The following EIF3M variants were observed in gnomAD, a reference collection of about 807,000 sequenced individuals.
EIF3M encodes B5 receptor.
EIF3M carries 25 observed loss-of-function variants against 49.7 expected under a neutral mutation model. The observed-to-expected ratio is 0.50, with a 90% CI of 0.37 to 0.70. EIF3M has a LOEUF of 0.70. EIF3M is among the 30% of genes least tolerant of loss of function. The pLI is 0.00. For missense variants in EIF3M, 350 were observed against 440.0 expected (o/e 0.80, Z 1.83); for synonymous variants, 156 against 149.8 (o/e 1.04, Z -0.30).
Position 32,593,894 on chromosome 11 carries a change from T to G in EIF3M, c.562T>G (p.Leu188Val), listed in dbSNP as rs759020517. 4.4e-6 allele frequency: 7 copies of G among 1,579,500 alleles called. No homozygotes were observed. In the East Asian group the frequency reaches 1.4e-4, roughly 31 times the overall value. The change falls in exon 6 of 11, where the codon TTG becomes GTG. Residue 188 changes from leucine (L) to valine (V), a missense_variant. By Grantham distance (32) the Leu-to-Val change is conservative. Transcript: ENST00000531120. ...SDAASKVMVELLGSYTEDNAS... is the reference protein window; with the variant it reads ...SDAASKVMVEVLGSYTEDNAS... ...TGCTGCTTCAAAAGTCATGGTGGAA[T>G]TGCTCGGAAGTTACACAGAGGACAA...
intron 2 of EIF3M, 133 bp from the exon 3 acceptor site, chr11:32,588,461 A>G: frequency 5.2e-6 from 5 of 963,316 alleles, no homozygotes; most frequent in Non-Finnish European, 7.2e-6. Flanking sequence ...AAAATATACA[A>G]GTTGCTTTCT....
In EIF3M at chr11:32,605,193, T is replaced by C. The variant is rs1237951994; in HGVS notation, c.*2794T>C. ...TTTTTTTTTTTTTAATGAACTTAAATGTTTAGAATGGTAAGTTCACGGCTC... is the reference window on the plus strand; with the variant it reads ...TTTTTTTTTTTTTAATGAACTTAAACGTTTAGAATGGTAAGTTCACGGCTC... On this transcript the variant is annotated 3_prime_UTR_variant, in exon 11 of 11. Coordinates refer to ENST00000531120, the MANE Select transcript of EIF3M (RefSeq NM_006360.6). 1 of 148,308 alleles carries C rather than the reference T, an allele frequency of 6.7e-6. No individual in the cohort carries two copies. Among genetic ancestry groups the C allele is most frequent in the East Asian group, 2.0e-4 (1 of 5,098 alleles). 9.2% of individuals were successfully genotyped at this position (148,308 alleles called of 1,614,324 possible).
chr11:32,591,010 C>T (rs984971291), intron 5 of EIF3M, among the ~76,000 whole-genome samples: 2 of 152,238 alleles, frequency 1.3e-5, no homozygotes, highest in African/African-American at 2.4e-5. Context: ...CCGCCACGCC[C>T]GGCTAATTTT....
chr11:32,599,701 ATATATGATATTATGTTAGAAT>A (rs1304064721), intron 8 of EIF3M, among the ~76,000 whole-genome samples: 2 of 151,988 alleles, frequency 1.3e-5, no homozygotes, highest in African/African-American at 4.8e-5. Flanking sequence ...CAAAACAAGT[ATATATGATATTATGTTAGAAT>A]TCTGCTCCTA....
intron 1 of EIF3M, among the ~76,000 whole-genome samples, chr11:32,585,432 A>G (rs562342921): frequency 6.6e-6 from 1 of 152,172 alleles, no homozygotes; most frequent in African/African-American, 2.4e-5. Flanking sequence ...GGGAAATATG[A>G]AATTGCTCAG....
intron 6 of EIF3M, 38 bp downstream of exon 6, chr11:32,593,987 G>A (rs371583257): frequency 1.2e-5 from 16 of 1,329,734 alleles, no homozygotes; most frequent in East Asian, 5.3e-5. Context: ...GTTTGACAGC[G>A]ATGTAGAGGT....
chr11:32,584,045 A>G, intron 1 of EIF3M, 116 bp downstream of exon 1: 1 of 1,374,644 alleles, frequency 7.3e-7, no homozygotes, highest in South Asian at 1.3e-5. Flanking sequence ...GCTGTTCTAC[A>G]CGCGAGAATG....
Position 32,605,612 on chromosome 11 carries a change from T to C in EIF3M, c.*3213T>C, listed in dbSNP as rs960668085. 6.6e-6 allele frequency: 1 copy of C among 151,980 alleles called. No individual in the cohort carries two copies. Among genetic ancestry groups the C allele is most frequent in the African/African-American group, 2.4e-5 (1 of 41,262 alleles). 9.4% of individuals were successfully genotyped at this position (151,980 alleles called of 1,614,324 possible). A position where few individuals can be genotyped will look rare whatever the true frequency, so the allele number is the denominator to read the frequency against. On this transcript the variant is annotated 3_prime_UTR_variant, in exon 11 of 11. Transcript: ENST00000531120. ...TGATTCTTTGACTTTTTTATCTTGA[T>C]GATGGAAAGGAAGGACACGTTTACT...
chr11:32,593,608 C>T (rs1307456885), intron 5 of EIF3M, among the ~76,000 whole-genome samples: 1 of 152,178 alleles, frequency 6.6e-6, no homozygotes, highest in Non-Finnish European at 1.5e-5. Context: ...GTACATAAAG[C>T]GGCCTTTCCG....
chr11:32,591,240 T>A (rs959113101), intron 5 of EIF3M, among the ~76,000 whole-genome samples: 2 of 152,346 alleles, frequency 1.3e-5, no homozygotes, highest in Admixed American at 1.3e-4. Context: ...AAGATTTCTT[T>A]AGCTGAGAAG....
chr11:32,597,455 T>C (rs1855198030), intron 8 of EIF3M, among the ~76,000 whole-genome samples: 1 of 152,250 alleles, frequency 6.6e-6, no homozygotes. Context: ...TAATTTTACA[T>C]GATAGTAAGA....
chr11:32,586,150 A>T (rs1257413484), intron 1 of EIF3M, among the ~76,000 whole-genome samples: 1 of 152,058 alleles, frequency 6.6e-6, no homozygotes, highest in Non-Finnish European at 1.5e-5. Context: ...AATCATTTGA[A>T]CCCCGGAGGC....
rs1855156121 is a variant in EIF3M, at chr11:32,594,911, A to T, written c.618-3A>T. 2 of 1,605,644 alleles carry T rather than the reference A, an allele frequency of 1.2e-6. No individual in the cohort carries two copies. Among genetic ancestry groups the T allele is most frequent in the African/African-American group, 2.7e-5 (2 of 73,160 alleles). On this transcript the variant is annotated splice_region_variant and splice_polypyrimidine_tract_variant and intron_variant, in intron 6 of 10. Transcript: ENST00000531120. ...GAGCTTACATTTTTGTTCTCTAATT[A>T]AGGTGTATTGTACGAGCATTGAAAG...
rs1179805378 is a variant in EIF3M at position 32,604,976 on chromosome 11, C to T, written c.*2577C>T. On this transcript the variant is annotated 3_prime_UTR_variant, in exon 11 of 11. Coordinates refer to ENST00000531120, the MANE Select transcript of EIF3M (RefSeq NM_006360.6). The stretch of plus-strand genomic sequence containing the variant: ...CAAGCGATTCTTCTGCCTCAGCCTC[C>T]CGAGTAGCTGGGATTACAGGCACCC... 2 of 152,340 alleles carry T rather than the reference C, an allele frequency of 1.3e-5. No homozygotes were observed. The highest frequency in any genetic ancestry group is 2.1e-4 in the South Asian group (1 of 4,814). The allele number at this position is 152,340 out of a possible 1,614,324, so 9.4% of individuals were successfully genotyped here.
intron 8 of EIF3M, among the ~76,000 whole-genome samples, chr11:32,598,674 T>G (rs1855215419): frequency 6.6e-6 from 1 of 152,118 alleles, no homozygotes; most frequent in Non-Finnish European, 1.5e-5. Flanking sequence ...ATTCCTCTGA[T>G]AAGTTTTTTC....
chr11:32,589,862 T>C (rs1679429712), intron 5 of EIF3M, among the ~76,000 whole-genome samples: 1 of 152,232 alleles, frequency 6.6e-6, no homozygotes, highest in African/African-American at 2.4e-5. Context: ...AAATTTGGCT[T>C]TTTTTCTAAA....
intron 4 of EIF3M, 77 bp from the exon 5 acceptor site, chr11:32,589,470 C>A: frequency 7.0e-7 from 1 of 1,436,250 alleles, no homozygotes; most frequent in Non-Finnish European, 9.7e-7. Flanking sequence ...AGCCACCACG[C>A]CCAGCCAGAA....
intron 8 of EIF3M, among the ~76,000 whole-genome samples, chr11:32,599,322 A>G (rs1162233681): frequency 1.3e-5 from 2 of 151,998 alleles, no homozygotes; most frequent in Non-Finnish European, 2.9e-5. Context: ...GTAGATTTCC[A>G]TTAAACCCAG....
chr11:32,602,014 C>T (rs1441985166), intron 10 of EIF3M, 192 bp downstream of exon 10: 1 of 835,300 alleles, frequency 1.2e-6, no homozygotes, highest in Admixed American at 2.7e-5. Flanking sequence ...TATTTTCCAG[C>T]ACATTTCATT....
Sources: allele counts gnomAD v4.1 joint callset (sites outside exome capture counted in the v4.1 genomes callset), GRCh38; gene constraint gnomAD v4.1.1; transcripts MANE v1.5; gene names NCBI Gene and HGNC (gene_info 2026-07-23, HGNC 2026-07-21).